OSBPL8: variants seen among roughly 807,000 people sequenced by gnomAD.
OSBPL8 encodes oxysterol binding protein like 8.
Under a neutral mutation model 125.5 loss-of-function variants are expected in OSBPL8, and 59 were observed. The ratio of observed to expected loss-of-function variants is 0.47; its 90% confidence interval spans 0.38 to 0.58. OSBPL8 has a LOEUF of 0.58. Ranked by LOEUF, OSBPL8 falls within the 20% of genes least tolerant of loss-of-function variation. The pLI, the probability that OSBPL8 is intolerant of heterozygous loss-of-function variation, is 0.00. For missense variants in OSBPL8, 758 were observed against 1,047.8 expected (o/e 0.72, Z 3.82); for synonymous variants, 330 against 338.9 (o/e 0.97, Z 0.29).
intron 8 of OSBPL8, among the ~76,000 whole-genome samples, chr12:76,396,132 C>T (rs994321336): frequency 1.3e-5 from 2 of 151,690 alleles, no homozygotes; most frequent in Non-Finnish European, 2.9e-5. Context: ...ACTTGAGAAT[C>T]GCTTAATATA....
chr12:76,490,302 A>T (rs1475907999), intron 1 of OSBPL8, among the ~76,000 whole-genome samples: 1 of 152,218 alleles, frequency 6.6e-6, no homozygotes. Flanking sequence ...GCAGACCAAA[A>T]CAAGAACTTA....
intron 1 of OSBPL8, among the ~76,000 whole-genome samples, chr12:76,503,663 C>T (rs1361288999): frequency 6.6e-6 from 1 of 152,056 alleles, no homozygotes; most frequent in African/African-American, 2.4e-5. Context: ...CTCAGCCTCC[C>T]GAGTAGCTGG....
intron 15 of OSBPL8, among the ~76,000 whole-genome samples, chr12:76,383,774 C>T (rs1255742353): frequency 6.6e-6 from 1 of 152,130 alleles, no homozygotes; most frequent in African/African-American, 2.4e-5. Flanking sequence ...ATGTTTCCTA[C>T]TATAACCATT....
At chr12:76,499,110 G>A (rs1223478704) in intron 1 of OSBPL8, among the ~76,000 whole-genome samples, 1 of 152,030 alleles carries the variant, frequency 6.6e-6, no homozygotes, top group East Asian at 1.9e-4. Context: ...TATAAGGCAG[G>A]CAGGAAAACG....
At chr12:76,499,304 C>CTCTATCTATCTATCTATA (rs1555231515) in intron 1 of OSBPL8, among the ~76,000 whole-genome samples, 1 of 127,986 alleles carries the variant, frequency 7.8e-6, no homozygotes, top group Non-Finnish European at 1.7e-5. Flanking sequence ...ACTTAATAAA[C>CTCTATCTATCTATCTATA]TCTATCTATC....
intron 23 of OSBPL8, 38 bp from the exon 24 acceptor site, chr12:76,356,059 G>T (rs1228545126): frequency 6.4e-7 from 1 of 1,557,120 alleles, no homozygotes; most frequent in East Asian, 2.3e-5. Flanking sequence ...GTAATGATTT[G>T]CCAGAAATGT....
chr12:76,553,706 T>C lies in OSBPL8; in HGVS notation c.-68+5691A>G, dbSNP rs528172699. On this transcript the variant is annotated intron_variant, in intron 1 of 23. Transcript: ENST00000261183. ...GAAAAAAAAAAAAGGCCAGAGGAGG[T>C]AGCTCACGCCTGTAATCTCAACACT... Among the ~76,000 whole-genome samples, 5 of 132,188 alleles carry C rather than the reference T, an allele frequency of 3.8e-5. No individual in the cohort carries two copies. The South Asian group carries it at 1.2e-3, about 32-fold the overall frequency. 86.7% of individuals were successfully genotyped at this position (132,188 alleles called of 152,430 possible).
At position 76,353,788 on chromosome 12, in the gene OSBPL8, G is replaced by T. The variant is rs1377247045; in HGVS notation, c.*2101C>A. ...ATAAAGAACAGTCATGAATAACTCT[G>T]CTCTTTCTTAAGAAATAGTTTTTGA... On this transcript the variant is annotated 3_prime_UTR_variant, in exon 24 of 24. Transcript: ENST00000261183. 6.6e-6 allele frequency: 1 copy of T among 152,318 alleles called. No individual in the cohort carries two copies. The highest frequency in any genetic ancestry group is 2.4e-5 in the African/African-American group (1 of 41,420). 9.4% of individuals were successfully genotyped at this position (152,318 alleles called of 1,614,324 possible).
intron 4 of OSBPL8, among the ~76,000 whole-genome samples, chr12:76,443,800 C>A (rs1308090136): frequency 6.6e-6 from 1 of 152,158 alleles, no homozygotes; most frequent in African/African-American, 2.4e-5. Context: ...AGACACTGCA[C>A]CCGGCCCTTA....
chr12:76,357,138 A>G (rs573883173), intron 22 of OSBPL8, among the ~76,000 whole-genome samples: 2 of 152,194 alleles, frequency 1.3e-5, no homozygotes, highest in South Asian at 2.1e-4. Context: ...TTTCGACACC[A>G]CTTCTGCAAA....
intron 15 of OSBPL8, among the ~76,000 whole-genome samples, chr12:76,383,898 T>C (rs1953170956): frequency 1.3e-5 from 2 of 152,166 alleles, no homozygotes; most frequent in Non-Finnish European, 1.5e-5. Flanking sequence ...CTTGGATTCT[T>C]CCTCTCTGTT....
In OSBPL8 at chr12:76,382,621, G is replaced by A. The variant is rs150836632; in HGVS notation, c.1630+1633C>T. Among the ~76,000 whole-genome samples the A allele has an allele frequency of 7.9e-5, 12 of 152,270 alleles. No individual in the cohort carries two copies. In the East Asian group the frequency reaches 1.9e-3, roughly 24 times the overall value. ...CAGTCGGCTGGGTGCAGTGGCTCACGCCTGTAACCCCAGCACTTTGGGAGG... is the reference window on the plus strand; with the variant it reads ...CAGTCGGCTGGGTGCAGTGGCTCACACCTGTAACCCCAGCACTTTGGGAGG... On this transcript the variant is annotated intron_variant, in intron 15 of 23. Coordinates refer to ENST00000261183, the MANE Select transcript of OSBPL8 (RefSeq NM_020841.5).
At position 76,351,837 on chromosome 12, in the gene OSBPL8, G is replaced by A. The variant is rs1951834840; in HGVS notation, c.*4052C>T. ...AATTTTATTTAGAAGCCTACTTGTA[G>A]AAGTTAGCATAATTTTACAGATTAT... On this transcript the variant is annotated 3_prime_UTR_variant, in exon 24 of 24. Transcript: ENST00000261183. 6.6e-6 allele frequency: 1 copy of A among 152,174 alleles called. No homozygotes were observed. Among genetic ancestry groups the A allele is most frequent in the South Asian group, 2.1e-4 (1 of 4,834 alleles). The allele number at this position is 152,174 out of a possible 1,614,324, so 9.4% of individuals were successfully genotyped here. A position where few individuals can be genotyped will look rare whatever the true frequency, so the allele number is the denominator to read the frequency against.
intron 4 of OSBPL8, among the ~76,000 whole-genome samples, chr12:76,447,271 AG>A (rs2136700972): frequency 6.6e-6 from 1 of 152,322 alleles, no homozygotes. Flanking sequence ...GAAGAGAATC[AG>A]GCTATCCTCA....
At chr12:76,477,084 TCTA>T (rs1876898618) in intron 2 of OSBPL8, among the ~76,000 whole-genome samples, 1 of 152,308 alleles carries the variant, frequency 6.6e-6, no homozygotes, top group African/African-American at 2.4e-5. Context: ...AATTCTTTCT[TCTA>T]CTCTCCCACC....
intron 1 of OSBPL8, among the ~76,000 whole-genome samples, chr12:76,500,465 C>G (rs927291401): frequency 6.6e-6 from 1 of 152,184 alleles, no homozygotes; most frequent in Non-Finnish European, 1.5e-5. Flanking sequence ...GATTCTTGAA[C>G]TTCCAAAGTT....
At chr12:76,452,809 G>C (rs1218448342) in intron 3 of OSBPL8, among the ~76,000 whole-genome samples, 2 of 152,088 alleles carry the variant, frequency 1.3e-5, no homozygotes, top group Non-Finnish European at 2.9e-5. Context: ...CTCAAGAAAG[G>C]CCATCTTTTG....
At chr12:76,389,381 T>C (rs1398615907) in intron 12 of OSBPL8, among the ~76,000 whole-genome samples, 1 of 152,206 alleles carries the variant, frequency 6.6e-6, no homozygotes, top group Non-Finnish European at 1.5e-5. Flanking sequence ...AAGGAGCCTA[T>C]AACGGCAGTG....
intron 15 of OSBPL8, among the ~76,000 whole-genome samples, chr12:76,379,866 C>A (rs1003928296): frequency 2.0e-5 from 3 of 152,092 alleles, no homozygotes; most frequent in African/African-American, 7.2e-5. Flanking sequence ...TTTTCATGGG[C>A]AAATACCTAG....
Sources: gnomAD v4.1 joint callset for allele counts (sites outside exome capture counted in the v4.1 genomes callset) on GRCh38, gnomAD v4.1.1 for gene constraint, MANE v1.5 for transcripts, NCBI Gene and HGNC (gene_info 2026-07-23, HGNC 2026-07-21) for gene names.